Variants in MYOM2 observed in about 807,000 individuals in gnomAD.
MYOM2 encodes myomesin-2.
MYOM2 carries 254 observed loss-of-function variants against 187.6 expected under a neutral mutation model. The ratio of observed to expected loss-of-function variants is 1.35; its 90% CI spans 1.22 to 1.50. The LOEUF (loss-of-function observed/expected upper bound fraction) is 1.50. MYOM2 is among the 40% of genes most tolerant of loss of function. MYOM2 has a pLI of 0.00. For missense variants in MYOM2, 2,796 were observed against 1,924.0 expected, an observed-to-expected ratio of 1.45 and a Z score of -8.48; for synonymous variants, 981 against 753.8, an observed-to-expected ratio of 1.30 and a Z score of -4.94.
intron 8 of MYOM2, among the ~76,000 whole-genome samples, chr8:2,070,010 G>T (rs185166446): frequency 2.0e-5 from 3 of 152,240 alleles, no homozygotes; most frequent in African/African-American, 4.8e-5. Context: ...CCAGAGACCC[G>T]CCCCAGGCCT....
intron 2 of MYOM2, among the ~76,000 whole-genome samples, chr8:2,051,100 GT>G (rs1818469833): frequency 6.6e-6 from 1 of 152,148 alleles, no homozygotes. Context: ...CCTGATCGAG[GT>G]GGGGAGGCAG....
chr8:2,051,100 G>T (rs1818469770), intron 2 of MYOM2, among the ~76,000 whole-genome samples: 1 of 152,148 alleles, frequency 6.6e-6, no homozygotes, highest in Non-Finnish European at 1.5e-5. Flanking sequence ...CCTGATCGAG[G>T]TGGGGAGGCA....
chr8:2,075,867 G>A (rs549497314), intron 10 of MYOM2, among the ~76,000 whole-genome samples: 2 of 152,336 alleles, frequency 1.3e-5, no homozygotes, highest in African/African-American at 2.4e-5. Flanking sequence ...ACCAAGAGAA[G>A]ATGACCTGTA....
At chr8:2,084,835 C>A (rs1389508473) in intron 13 of MYOM2, among the ~76,000 whole-genome samples, 2 of 152,176 alleles carry the variant, frequency 1.3e-5, no homozygotes, top group Non-Finnish European at 2.9e-5. Context: ...AAAGAAAGAA[C>A]CCAGAGGGGA....
In MYOM2 at chr8:2,123,242, T is replaced by C; in HGVS notation, c.3454-10T>C. The C allele has an allele frequency of 6.3e-7, 1 of 1,582,300 alleles. No homozygotes were observed. The highest frequency in any genetic ancestry group is 1.7e-4 in the Middle Eastern group (1 of 5,964). On this transcript the variant is annotated splice_polypyrimidine_tract_variant and intron_variant, in intron 28 of 36. Transcript: ENST00000262113. ...ATTTACACACTAAACTTAAGCTTTC[T>C]ACCTCACAGGTTGCAAACACCAAGA...
chr8:2,072,277 C>CCT (rs1819252242), intron 8 of MYOM2, 68 bp from the exon 9 acceptor site: 1 of 1,253,750 alleles, frequency 8.0e-7, no homozygotes, highest in African/African-American at 2.0e-5. Context: ...GCCCTTCGGC[C>CCT]ATGAAAGCCT....
intron 14 of MYOM2, among the ~76,000 whole-genome samples, chr8:2,087,106 C>G (rs899637684): frequency 6.6e-6 from 1 of 152,194 alleles, no homozygotes; most frequent in Non-Finnish European, 1.5e-5. Context: ...GGTTGTGACC[C>G]ACTAATCTGA....
At chr8:2,128,986 TGTGGCTGGCCG>T in intron 31 of MYOM2, 130 bp from the exon 32 acceptor site, 1 of 575,978 alleles carries the variant, frequency 1.7e-6, no homozygotes, top group East Asian at 2.8e-5. Flanking sequence ...TATAAGAATT[TGTGGCTGGCCG>T]ACTTTATGAG....
At position 2,123,115 on chromosome 8, in the gene MYOM2, C is replaced by A; in HGVS notation, c.3454-137C>A. The A allele has an allele frequency of 5.7e-6, 3 of 521,984 alleles. No homozygotes were observed. In the Admixed American group the frequency reaches 1.1e-4, roughly 19 times the overall value. 32.3% of individuals were successfully genotyped at this position (521,984 alleles called of 1,614,324 possible). On this transcript the variant is annotated intron_variant, in intron 28 of 36. Coordinates refer to ENST00000262113, the MANE Select transcript of MYOM2 (RefSeq NM_003970.4). ...TTGGGAGCGACAGCTTTTCCATAAG[C>A]CTTCGTCTGAGACTGTCTATAGTAA...
chr8:2,077,445 A>C (rs1324764443), intron 11 of MYOM2, among the ~76,000 whole-genome samples: 1 of 152,168 alleles, frequency 6.6e-6, no homozygotes, highest in Non-Finnish European at 1.5e-5. Context: ...AAAATGAGGG[A>C]ATTGGCTTTT....
At chr8:2,127,049 C>T (rs115477048) in intron 31 of MYOM2, among the ~76,000 whole-genome samples, 21 of 151,986 alleles carry the variant, frequency 1.4e-4, no homozygotes, top group African/African-American at 4.6e-4. Context: ...GTGTGCTTTG[C>T]TCTCAGGCTG....
At chr8:2,114,629 C>G (rs977523513) in intron 25 of MYOM2, among the ~76,000 whole-genome samples, 2 of 152,120 alleles carry the variant, frequency 1.3e-5, no homozygotes, top group African/African-American at 4.8e-5. Flanking sequence ...GCCACCACAC[C>G]TGGCTAATTC....
rs571799245 is a variant in MYOM2, at chr8:2,058,415, A to T, written c.560+635A>T. ...GATTGCTGACTGTACACAAAACTGG[A>T]AAGTCTGCTTTTCAATATGGAAAAC... On this transcript the variant is annotated intron_variant, in intron 5 of 36. Coordinates refer to ENST00000262113, the MANE Select transcript of MYOM2 (RefSeq NM_003970.4). Among the ~76,000 whole-genome samples, 8 of 152,294 alleles carry T rather than the reference A, an allele frequency of 5.3e-5. No individual in the cohort carries two copies. The South Asian group carries it at 1.5e-3, about 28-fold the overall frequency.
chr8:2,131,332 G>A (rs3824178), intron 32 of MYOM2, among the ~76,000 whole-genome samples: 3,459 of 152,186 alleles, frequency 0.023, 54 homozygotes, highest in Middle Eastern at 0.044. Flanking sequence ...AGAGAAACAT[G>A]TCATTTTGTC....
rs143411738 is a variant in MYOM2 at position 2,125,813 on chromosome 8, C to G, written c.3694+1596C>G. On this transcript the variant is annotated intron_variant, in intron 31 of 36. Transcript: ENST00000262113. ...TTAGTAGAGATGGGGTTTCACCATG[C>G]TGGCCAGGATGGTCTCCATTTCCTG... 5.0e-3 allele frequency among the ~76,000 whole-genome samples: 753 copies of G among 151,700 alleles called. 5 individuals are homozygous for G. The highest frequency in any genetic ancestry group is 0.013 in the African/African-American group (524 of 41,368).
chr8:2,064,872 TC>T (rs1440307010), intron 6 of MYOM2, among the ~76,000 whole-genome samples: 6 of 152,192 alleles, frequency 3.9e-5, no homozygotes, highest in South Asian at 4.1e-4. Context: ...CTCCCAGCTA[TC>T]CCCTGCCCAG....
At chr8:2,137,011 A>G (rs547950108) in intron 32 of MYOM2, among the ~76,000 whole-genome samples, 7 of 152,080 alleles carry the variant, frequency 4.6e-5, no homozygotes, top group African/African-American at 1.7e-4. Context: ...CTAAACAGTG[A>G]GATTTTGGGG....
chr8:2,100,090 TTCC>T (rs2116771960), intron 19 of MYOM2, among the ~76,000 whole-genome samples: 7 of 43,172 alleles, frequency 1.6e-4, no homozygotes, highest in South Asian at 7.3e-4. Context: ...TCTTCTTTCC[TTCC>T]TTCCTTCCTT....
intron 11 of MYOM2, among the ~76,000 whole-genome samples, chr8:2,077,320 A>C (rs1371498521): frequency 1.3e-5 from 2 of 152,176 alleles, no homozygotes; most frequent in Non-Finnish European, 2.9e-5. Flanking sequence ...AAAAAAAACA[A>C]AACAAAACAA....
Sources: gnomAD v4.1 joint callset for allele counts (sites outside exome capture counted in the v4.1 genomes callset) on GRCh38, gnomAD v4.1.1 for gene constraint, MANE v1.5 for transcripts, NCBI Gene and HGNC (gene_info 2026-07-23, HGNC 2026-07-21) for gene names.